TRIM55: variants seen among roughly 807,000 people sequenced by gnomAD.
The protein encoded by TRIM55 is tripartite motif-containing protein 55.
Under a neutral mutation model 60.9 loss-of-function variants are expected in TRIM55, and 50 were observed. The ratio of observed to expected loss-of-function variants is 0.82; its 90% CI spans 0.65 to 1.04. The LOEUF (loss-of-function observed/expected upper bound fraction) is 1.04, where lower values mean the gene tolerates loss of function less well. Ranked by LOEUF, TRIM55 falls within the 50% of genes least tolerant of loss-of-function variation. The pLI, the probability that TRIM55 is intolerant of heterozygous loss-of-function variation, is 0.00. For missense variants in TRIM55, 681 were observed against 666.9 expected (o/e 1.02, Z -0.23); for synonymous variants, 237 against 238.1 (o/e 1.00, Z 0.04).
chr8:66,167,724 A>G (rs1811402357), intron 9 of TRIM55, among the ~76,000 whole-genome samples: 1 of 152,154 alleles, frequency 6.6e-6, no homozygotes, highest in African/African-American at 2.4e-5. Context: ...CTCAGTTTGT[A>G]TGGCTGTGAA....
the TRIM55 span, chr8:66,113,462 C>CA: frequency 1.5e-5 from 7 of 452,344 alleles, no homozygotes; most frequent in South Asian, 1.1e-4. Flanking sequence ...TCGAAGGAGA[C>CA]AAGTGCGGTT....
chr8:66,118,712 T>C, the TRIM55 span, among the ~76,000 whole-genome samples: 1 of 152,200 alleles, frequency 6.6e-6, no homozygotes, highest in Non-Finnish European at 1.5e-5. Context: ...AGCTCTAGGA[T>C]ACCAAAGGAA....
chr8:66,150,380 T>TAGA lies in TRIM55; in HGVS notation c.901_903dup (p.Glu301dup). ...TCAAAGGCATTTCAGATGGAGAAAA[T>TAGA]AGAACATGGCTATGAGAACATGAAC... On this transcript the variant is annotated inframe_insertion, in exon 7 of 10. Coordinates refer to ENST00000315962, the MANE Select transcript of TRIM55 (RefSeq NM_184085.2). 1 of 1,614,144 alleles carries TAGA rather than the reference T, an allele frequency of 6.2e-7. No individual in the cohort carries two copies. The highest frequency in any genetic ancestry group is 8.5e-7 in the Non-Finnish European group (1 of 1,180,014).
chr8:66,117,653 GA>G, the TRIM55 span, among the ~76,000 whole-genome samples: 382 of 151,882 alleles, frequency 2.5e-3, 1 homozygote, highest in African/African-American at 8.6e-3. Flanking sequence ...TGACTTGTGA[GA>G]AGTGGATTGC....
At chr8:66,114,557 T>A in the TRIM55 span, 1 of 456,344 alleles carries the variant, frequency 2.2e-6, no homozygotes. Flanking sequence ...TGTCTGCATT[T>A]CCAGGGACTC....
At chr8:66,163,696 T>C (rs945856190) in intron 9 of TRIM55, among the ~76,000 whole-genome samples, 2 of 152,212 alleles carry the variant, frequency 1.3e-5, no homozygotes, top group Admixed American at 6.5e-5. Context: ...TCTCAGAATG[T>C]GATCAACCTT....
chr8:66,127,718 T>G (rs1467111984), intron 1 of TRIM55, among the ~76,000 whole-genome samples: 1 of 150,940 alleles, frequency 6.6e-6, no homozygotes, highest in Non-Finnish European at 1.5e-5. Context: ...ACCTATAATC[T>G]CAGGTACTTG....
intron 4 of TRIM55, among the ~76,000 whole-genome samples, chr8:66,140,520 CATT>C (rs1809746678): frequency 6.6e-6 from 1 of 152,346 alleles, no homozygotes; most frequent in African/African-American, 2.4e-5. Context: ...CCTCTTGACA[CATT>C]AACCTTTGTT....
At chr8:66,173,066 A>C (rs973240182) in intron 9 of TRIM55, among the ~76,000 whole-genome samples, 3 of 152,148 alleles carry the variant, frequency 2.0e-5, no homozygotes, top group Admixed American at 1.3e-4. Context: ...TGTCAGGATA[A>C]TGTTTATTTT....
chr8:66,114,365 C>A, the TRIM55 span, among the ~76,000 whole-genome samples: 1 of 152,176 alleles, frequency 6.6e-6, no homozygotes, highest in Non-Finnish European at 1.5e-5. Context: ...CTCCAGCTTA[C>A]CACTCTAAAA....
At chr8:66,155,642 C>T (rs1012813041) in intron 9 of TRIM55, 12 of 1,611,772 alleles carry the variant, frequency 7.4e-6, no homozygotes, top group South Asian at 5.5e-5. Flanking sequence ...ATCTGCCTAG[C>T]GCTTTTGGCT....
chr8:66,125,297 T>C (rs939154531), upstream of TRIM55, among the ~76,000 whole-genome samples: 1 of 152,252 alleles, frequency 6.6e-6, no homozygotes, highest in Admixed American at 6.5e-5. Flanking sequence ...CTATGTTCTG[T>C]GTGTGCATGT....
the TRIM55 span, chr8:66,113,691 A>C: frequency 2.4e-6 from 1 of 420,996 alleles, no homozygotes; most frequent in Non-Finnish European, 4.8e-6. Context: ...CTGCCGGGTC[A>C]CGACTTCTGC....
At chr8:66,129,764 G>A (rs1809034045) in intron 2 of TRIM55, among the ~76,000 whole-genome samples, 1 of 152,070 alleles carries the variant, frequency 6.6e-6, no homozygotes, top group South Asian at 2.1e-4. Context: ...TGAGATTGAT[G>A]CAAAAGTAAT....
chr8:66,129,152 A>G (rs989476003), intron 2 of TRIM55, among the ~76,000 whole-genome samples: 31 of 152,254 alleles, frequency 2.0e-4, no homozygotes. Flanking sequence ...TGTGAATAAC[A>G]TCGTGATAGC....
intron 1 of TRIM55, 94 bp downstream of exon 1, chr8:66,127,530 A>T: frequency 1.4e-6 from 2 of 1,468,694 alleles, no homozygotes; most frequent in Non-Finnish European, 1.9e-6. Context: ...AATCCTTTAA[A>T]AAACTTTATA....
intron 8 of TRIM55, among the ~76,000 whole-genome samples, chr8:66,153,693 C>T (rs1448511816): frequency 1.3e-5 from 2 of 152,162 alleles, no homozygotes; most frequent in African/African-American, 2.4e-5. Flanking sequence ...TTGGGACTCA[C>T]GTATAAAGCC....
intron 4 of TRIM55, among the ~76,000 whole-genome samples, chr8:66,141,963 A>T (rs982151913): frequency 3.3e-5 from 5 of 152,242 alleles, no homozygotes. Flanking sequence ...AGGCAATATA[A>T]CATATGTTTA....
At chr8:66,117,275 G>A in the TRIM55 span, among the ~76,000 whole-genome samples, 2 of 152,308 alleles carry the variant, frequency 1.3e-5, no homozygotes, top group Middle Eastern at 3.4e-3. Flanking sequence ...TCTTGCCAGG[G>A]CAATAAAGCA....
Sources: allele counts gnomAD v4.1 joint callset (sites outside exome capture counted in the v4.1 genomes callset), GRCh38; gene constraint gnomAD v4.1.1; transcripts MANE v1.5; gene names NCBI Gene and HGNC (gene_info 2026-07-23, HGNC 2026-07-21).